Variants in ZDHHC15 observed in about 807,000 individuals in gnomAD.
ZDHHC15 encodes the protein palmitoyltransferase ZDHHC15.
In ZDHHC15, 19 loss-of-function variants were observed where a neutral mutation model predicts 31.7. The observed-to-expected ratio is 0.60, with a 90% CI of 0.42 to 0.88. The LOEUF (loss-of-function observed/expected upper bound fraction) is 0.88, where lower values mean the gene tolerates loss of function less well. Ranked by LOEUF, ZDHHC15 falls within the 40% of genes least tolerant of loss-of-function variation. The pLI is 0.00. For synonymous variants in ZDHHC15, 103 were observed against 90.0 expected, an observed-to-expected ratio of 1.14 and a Z score of -0.82; for missense variants, 209 against 251.2, an observed-to-expected ratio of 0.83 and a Z score of 1.14.
chrX:75,477,629 T>G (rs895648685), intron 3 of ZDHHC15, among the ~76,000 whole-genome samples: 1 of 111,912 alleles, frequency 8.9e-6, no homozygotes, highest in African/African-American at 3.2e-5. Flanking sequence ...TCTTGTAACA[T>G]TTTTTTACTT....
At chrX:75,395,444 C>T (rs896485057) in intron 10 of ZDHHC15, among the ~76,000 whole-genome samples, 2 of 110,991 alleles carry the variant, frequency 1.8e-5, no homozygotes, top group East Asian at 2.8e-4. Flanking sequence ...AGAAAGTAAC[C>T]CCCTTCACAA....
chrX:75,520,937 A>G (rs901374324), intron 1 of ZDHHC15, among the ~76,000 whole-genome samples: 3 of 111,280 alleles, frequency 2.7e-5, no homozygotes, highest in African/African-American at 9.8e-5. Context: ...TCTATATTGG[A>G]AAAGAGGATC....
At chrX:75,384,925 C>G (rs1402392020) in intron 10 of ZDHHC15, 1 of 449,364 alleles carries the variant, frequency 2.2e-6, no homozygotes, top group Non-Finnish European at 3.9e-6. Flanking sequence ...TTGGCACTAT[C>G]TACTATCGCC....
At chrX:75,491,632 A>G (rs1018540360) in intron 2 of ZDHHC15, among the ~76,000 whole-genome samples, 2 of 110,898 alleles carry the variant, frequency 1.8e-5, no homozygotes, top group African/African-American at 6.5e-5. Context: ...TAATAATAAT[A>G]AAATAAAAGA....
chrX:75,481,470 A>G lies in ZDHHC15; in HGVS notation c.164-2485T>C, dbSNP rs777027604. On this transcript the variant is annotated intron_variant, in intron 2 of 11. Coordinates refer to ENST00000373367, the MANE Select transcript of ZDHHC15 (RefSeq NM_144969.3). ...AACTGGTTCAATCACGGAATTGGAA[A>G]CAGCTGGCTCCCATTCCTACATTAC... Among the ~76,000 whole-genome samples, 70 of 111,941 alleles carry G rather than the reference A, an allele frequency of 6.3e-4. 1 individual carries two copies. Among genetic ancestry groups the G allele is most frequent in the Middle Eastern group, 9.2e-3 (2 of 217 alleles).
intron 10 of ZDHHC15, among the ~76,000 whole-genome samples, chrX:75,405,504 G>C (rs1036865636): frequency 9.0e-6 from 1 of 111,434 alleles, no homozygotes; most frequent in Non-Finnish European, 1.9e-5. Context: ...AACCAAAAAA[G>C]ATCAGGAGTA....
chrX:75,479,592 C>G (rs950594105), intron 2 of ZDHHC15, among the ~76,000 whole-genome samples: 2 of 111,497 alleles, frequency 1.8e-5, no homozygotes, highest in African/African-American at 6.5e-5. Flanking sequence ...TCAGGGCTTT[C>G]AAGAGTATCT....
At chrX:75,445,777 T>C (rs2084024745) in intron 4 of ZDHHC15, among the ~76,000 whole-genome samples, 1 of 111,647 alleles carries the variant, frequency 9.0e-6, no homozygotes, top group Admixed American at 9.5e-5. Flanking sequence ...GGAAGACCCT[T>C]ATGAAGCCAG....
intron 2 of ZDHHC15, among the ~76,000 whole-genome samples, chrX:75,489,215 T>C (rs914522367): frequency 3.6e-5 from 4 of 111,858 alleles, no homozygotes; most frequent in African/African-American, 1.3e-4. Flanking sequence ...GACTTAAATG[T>C]CCCTGTCTGA....
chrX:75,434,900 G>C (rs1480369167), intron 4 of ZDHHC15, among the ~76,000 whole-genome samples: 2 of 112,118 alleles, frequency 1.8e-5, no homozygotes, highest in Admixed American at 9.4e-5. Flanking sequence ...GATGGGAATT[G>C]CATTGAATGT....
At chrX:75,482,627 C>G (rs986195159) in intron 2 of ZDHHC15, among the ~76,000 whole-genome samples, 1 of 111,510 alleles carries the variant, frequency 9.0e-6, no homozygotes, top group African/African-American at 3.3e-5. Flanking sequence ...GTTTGCCAGC[C>G]ACTATGCAAA....
Position 75,372,290 on chromosome X carries a change from T to C in ZDHHC15, c.*688A>G, listed in dbSNP as rs1343174576. ...AGTAGCTGTGGTGCTTTCAGGAACA[T>C]TTGTGACAGAACAGGTTTTACATTG... On this transcript the variant is annotated 3_prime_UTR_variant, in exon 12 of 12. Coordinates refer to ENST00000373367, the MANE Select transcript of ZDHHC15 (RefSeq NM_144969.3). 8.9e-6 allele frequency: 1 copy of C among 112,119 alleles called. No individual in the cohort carries two copies. The highest frequency in any genetic ancestry group is 3.2e-5 in the African/African-American group (1 of 30,860). 9.2% of individuals were successfully genotyped at this position (112,119 alleles called of 1,213,427 possible).
intron 3 of ZDHHC15, among the ~76,000 whole-genome samples, chrX:75,475,882 T>TTA (rs2084595961): frequency 3.6e-5 from 4 of 112,209 alleles, no homozygotes; most frequent in African/African-American, 1.3e-4. Context: ...TCATGTCTAC[T>TTA]TTCTTTCAGT....
intron 9 of ZDHHC15, among the ~76,000 whole-genome samples, chrX:75,421,411 A>ATATAATATATATAAT (rs1491488470): frequency 3.8e-5 from 1 of 26,089 alleles, no homozygotes; most frequent in Admixed American, 5.3e-4. Flanking sequence ...ATATATATAT[A>ATATAATATATATAAT]ATATATATAT....
intron 6 of ZDHHC15, 79 bp downstream of exon 6, chrX:75,429,869 A>G: frequency 9.9e-7 from 1 of 1,013,106 alleles, no homozygotes; most frequent in African/African-American, 1.9e-5. Context: ...CAGGCATGTG[A>G]CAACTATGCT....
At chrX:75,411,215 A>T (rs1307472261) in intron 10 of ZDHHC15, among the ~76,000 whole-genome samples, 4 of 103,979 alleles carry the variant, frequency 3.8e-5, no homozygotes, top group Non-Finnish European at 5.9e-5. Context: ...TCTATTGTAC[A>T]TTTTTTTTTT....
chrX:75,426,852 T>C (rs901491835), intron 7 of ZDHHC15, among the ~76,000 whole-genome samples: 1 of 111,262 alleles, frequency 9.0e-6, no homozygotes, highest in South Asian at 3.8e-4. Flanking sequence ...GTCCTAACTT[T>C]GGAAATTTAC....
At chrX:75,514,208 A>G (rs2148067754) in intron 1 of ZDHHC15, among the ~76,000 whole-genome samples, 1 of 112,886 alleles carries the variant, frequency 8.9e-6, no homozygotes, top group African/African-American at 3.2e-5. Flanking sequence ...ACAGGTAGCT[A>G]CAAAAGCAAG....
intron 4 of ZDHHC15, among the ~76,000 whole-genome samples, chrX:75,447,097 CTT>C (rs1285896737): frequency 9.0e-6 from 1 of 111,647 alleles, no homozygotes; most frequent in Non-Finnish European, 1.9e-5. Context: ...GCAATATTGA[CTT>C]TCACTCACCA....
Sources: gnomAD v4.1 joint callset for allele counts (sites outside exome capture counted in the v4.1 genomes callset) on GRCh38, gnomAD v4.1.1 for gene constraint, MANE v1.5 for transcripts, NCBI Gene and HGNC (gene_info 2026-07-23, HGNC 2026-07-21) for gene names.